The following GNAL variants were observed in gnomAD, a reference collection of about 807,000 sequenced individuals.
GNAL encodes the protein G protein subunit alpha L, also known as guanine nucleotide-binding protein G(olf) subunit alpha.
GNAL carries 18 observed loss-of-function variants against 55.1 expected under a neutral mutation model. The ratio of observed to expected loss-of-function variants is 0.33; its 90% CI spans 0.23 to 0.48. GNAL has a LOEUF of 0.48. GNAL is among the 20% of genes least tolerant of loss of function. The pLI is 0.99. For synonymous variants in GNAL, 253 were observed against 237.0 expected, an observed-to-expected ratio of 1.07 and a Z score of -0.62; for missense variants, 412 against 614.1, an observed-to-expected ratio of 0.67 and a Z score of 3.48.
At chr18:11,764,794 CA>C (rs79338989) in intron 4 of GNAL, among the ~76,000 whole-genome samples, 2 of 151,596 alleles carry the variant, frequency 1.3e-5, no homozygotes, top group Non-Finnish European at 1.5e-5. Context: ...AAACAAACAA[CA>C]AAAAAAAGAA....
intron 1 of GNAL, among the ~76,000 whole-genome samples, chr18:11,701,098 C>G (rs2031556643): frequency 6.6e-6 from 1 of 152,160 alleles, no homozygotes; most frequent in Non-Finnish European, 1.5e-5. Flanking sequence ...GGACAAGAAC[C>G]TAAGAGAAAA....
rs1333380778 is a variant in GNAL, at chr18:11,752,466, G to A, written c.377-387G>A. 6.2e-7 allele frequency: 1 copy of A among 1,611,956 alleles called. No homozygotes were observed. On this transcript the variant is annotated intron_variant, in intron 1 of 11. Coordinates refer to ENST00000334049, the MANE Select transcript of GNAL (RefSeq NM_182978.4). This position sits in a 1 kb window ranked among gnomAD's most constrained non-coding sequence, Gnocchi z 4.5. ...GTTTGGGCGGCAACAGCAAGACGAC[G>A]GAAGACCAGGGCGTCGATGAAAAAG...
At chr18:11,708,808 C>T (rs1359553845) in intron 1 of GNAL, among the ~76,000 whole-genome samples, 1 of 152,168 alleles carries the variant, frequency 6.6e-6, no homozygotes, top group Non-Finnish European at 1.5e-5. Flanking sequence ...AGTTTGATGT[C>T]ATCTCACTTG....
chr18:11,816,249 A>G (rs891373209), intron 4 of GNAL, among the ~76,000 whole-genome samples: 3 of 152,188 alleles, frequency 2.0e-5, no homozygotes, highest in Admixed American at 1.3e-4. Flanking sequence ...TAAATAAAAC[A>G]TGATATATCC....
At chr18:11,840,875 C>CTTTTTT (rs112505457) in intron 5 of GNAL, among the ~76,000 whole-genome samples, 3 of 137,024 alleles carry the variant, frequency 2.2e-5, no homozygotes, top group Non-Finnish European at 3.2e-5. Context: ...TTTTTCTTTT[C>CTTTTTT]TTTTTTTTTT....
chr18:11,784,815 C>T (rs1483289690), intron 4 of GNAL, among the ~76,000 whole-genome samples: 1 of 152,038 alleles, frequency 6.6e-6, no homozygotes, highest in African/African-American at 2.4e-5. Context: ...ACTGTGCGTG[C>T]TCTGTTGGAT....
chr18:11,706,955 A>G lies in GNAL; in HGVS notation c.376+17016A>G, dbSNP rs374692589. Among the ~76,000 whole-genome samples, 12 of 152,270 alleles carry G rather than the reference A, an allele frequency of 7.9e-5. No individual in the cohort carries two copies. In the East Asian group the frequency reaches 1.4e-3, roughly 17 times the overall value. ...CATGTTGCTATTTTGACCTCCTCCAATGAATCATGGGTGCTCATAATGGCA... is the reference window on the plus strand; with the variant it reads ...CATGTTGCTATTTTGACCTCCTCCAGTGAATCATGGGTGCTCATAATGGCA... On this transcript the variant is annotated intron_variant, in intron 1 of 11. Transcript: ENST00000334049.
intron 4 of GNAL, among the ~76,000 whole-genome samples, chr18:11,816,609 A>T (rs1463517598): frequency 6.6e-6 from 1 of 151,904 alleles, no homozygotes; most frequent in Non-Finnish European, 1.5e-5. Flanking sequence ...AATTTTTTTT[A>T]AAAAGGCCAG....
At chr18:11,741,471 T>C (rs563671941) in intron 1 of GNAL, among the ~76,000 whole-genome samples, 1 of 152,356 alleles carries the variant, frequency 6.6e-6, no homozygotes, top group African/African-American at 2.4e-5. Flanking sequence ...CAAACTCCTC[T>C]GTGCTCCCGC....
In GNAL at chr18:11,881,211, A is replaced by G. The variant is rs985872767; in HGVS notation, c.*76A>G. On this transcript the variant is annotated 3_prime_UTR_variant, in exon 12 of 12. Transcript: ENST00000334049. This position sits in a 1 kb window ranked among gnomAD's most constrained non-coding sequence, Gnocchi z 4.8. Reference sequence around the variant, plus strand: ...CCAGCCCCATGCCATGGTAGGAGGCAGAGTCTCTAGTTCCATCTCGCTGCC... The same window carrying G: ...CCAGCCCCATGCCATGGTAGGAGGCGGAGTCTCTAGTTCCATCTCGCTGCC... The G allele has an allele frequency of 3.6e-5, 50 of 1,406,412 alleles. No homozygotes were observed. The South Asian group carries it at 6.6e-4, about 19-fold the overall frequency. 87.1% of individuals were successfully genotyped at this position (1,406,412 alleles called of 1,614,324 possible).
At chr18:11,814,959 T>A (rs2034917192) in intron 4 of GNAL, among the ~76,000 whole-genome samples, 1 of 151,194 alleles carries the variant, frequency 6.6e-6, no homozygotes, top group Non-Finnish European at 1.5e-5. Context: ...TACCAGAGGT[T>A]GGAGAGGGGA....
At chr18:11,787,641 G>A (rs140823473) in intron 4 of GNAL, among the ~76,000 whole-genome samples, 1 of 152,184 alleles carries the variant, frequency 6.6e-6, no homozygotes, top group Non-Finnish European at 1.5e-5. Flanking sequence ...TTGGGAGGCC[G>A]AGGTGGGCGG....
At chr18:11,818,108 C>T (rs1287306790) in intron 4 of GNAL, among the ~76,000 whole-genome samples, 1 of 151,698 alleles carries the variant, frequency 6.6e-6, no homozygotes, top group East Asian at 1.9e-4. Context: ...TGGCTCCTGC[C>T]TGTAGTCTCA....
At chr18:11,818,476 A>G (rs1005239417) in intron 4 of GNAL, among the ~76,000 whole-genome samples, 3 of 152,352 alleles carry the variant, frequency 2.0e-5, no homozygotes, top group South Asian at 2.1e-4. Context: ...ACAGTGGTGG[A>G]CATTATTCAC....
At chr18:11,717,055 C>T (rs946383384) in intron 1 of GNAL, among the ~76,000 whole-genome samples, 3 of 152,358 alleles carry the variant, frequency 2.0e-5, no homozygotes, top group East Asian at 3.9e-4. Context: ...GGGGGAGGCT[C>T]ACGCATGGCG....
intron 4 of GNAL, among the ~76,000 whole-genome samples, chr18:11,758,226 A>G (rs2033125855): frequency 6.6e-6 from 1 of 152,194 alleles, no homozygotes. Flanking sequence ...AGACGCAGGT[A>G]TGTTTTCAGA....
intron 4 of GNAL, among the ~76,000 whole-genome samples, chr18:11,770,124 A>G (rs1387343803): frequency 1.3e-5 from 2 of 152,192 alleles, no homozygotes; most frequent in African/African-American, 2.4e-5. Context: ...AATTTTTAAT[A>G]TTACCTGCAT....
chr18:11,829,432 A>G (rs762836532), intron 5 of GNAL, among the ~76,000 whole-genome samples: 1 of 152,182 alleles, frequency 6.6e-6, no homozygotes, highest in Non-Finnish European at 1.5e-5. Flanking sequence ...ATTTCAATAA[A>G]TCTGTTAGAC....
Position 11,689,734 on chromosome 18 carries a change from C to T in GNAL, c.171C>T (p.Gly57=). ...CCCGGACCCTGCTCCCTCGGGGCGG[C>T]GAAGGGAGCCCGGCATGCGCTCGGC... The part of the protein sequence containing the change: ...DTARTLLPRG[G]EGSPACARPK... The change falls in exon 1 of 12, where the codon GGC becomes GGT. Residue 57 remains glycine, a synonymous_variant. Coordinates refer to ENST00000334049, the MANE Select transcript of GNAL (RefSeq NM_182978.4). 6.7e-7 allele frequency: 1 copy of T among 1,501,594 alleles called. No homozygotes were observed. 93.0% of individuals were successfully genotyped at this position (1,501,594 alleles called of 1,614,324 possible).
Sources: allele counts gnomAD v4.1 joint callset (sites outside exome capture counted in the v4.1 genomes callset), GRCh38; gene constraint gnomAD v4.1.1; non-coding constraint Gnocchi (gnomAD v3.1); transcripts MANE v1.5; gene names NCBI Gene and HGNC (gene_info 2026-07-23, HGNC 2026-07-21).